The following AKAP8L variants were observed in gnomAD, a reference collection of about 807,000 sequenced individuals.
AKAP8L encodes the protein A-kinase anchoring protein 8 like.
In AKAP8L, 34 loss-of-function variants were observed where a neutral mutation model predicts 77.5. That is an observed-to-expected ratio of 0.44 (90% confidence interval 0.33 to 0.58). The LOEUF is 0.58. Ranked by LOEUF, AKAP8L falls within the 20% of genes least tolerant of loss-of-function variation. The pLI is 0.02. For missense variants in AKAP8L, 806 were observed against 887.6 expected (o/e 0.91, Z 1.17); for synonymous variants, 342 against 340.7 (o/e 1.00, Z -0.04).
chr19:15,413,801 C>A (rs1968150876), intron 1 of AKAP8L, among the ~76,000 whole-genome samples: 1 of 152,200 alleles, frequency 6.6e-6, no homozygotes, highest in African/African-American at 2.4e-5. Context: ...ACTGCAACTG[C>A]AAATGACAGC....
intron 1 of AKAP8L, among the ~76,000 whole-genome samples, chr19:15,416,064 C>T (rs1047362056): frequency 3.9e-5 from 6 of 151,948 alleles, no homozygotes; most frequent in African/African-American, 1.4e-4. Flanking sequence ...TGGCCTCAAG[C>T]AATCTTCCTG....
At chr19:15,418,854 C>G in intron 1 of AKAP8L, 57 bp downstream of exon 1, 1 of 1,542,494 alleles carries the variant, frequency 6.5e-7, no homozygotes, top group East Asian at 2.3e-5. Flanking sequence ...GGTGCGGCAT[C>G]CGCACGTCCC....
At chr19:15,409,482 C>T (rs1293300327) in intron 2 of AKAP8L, among the ~76,000 whole-genome samples, 2 of 152,168 alleles carry the variant, frequency 1.3e-5, no homozygotes, top group African/African-American at 4.8e-5. Flanking sequence ...GGGGAGCTTA[C>T]TTAAGTCTCT....
chr19:15,380,493 G>A, intron 13 of AKAP8L, 24 bp downstream of exon 13: 6 of 1,613,046 alleles, frequency 3.7e-6, no homozygotes, highest in Non-Finnish European at 5.1e-6. Context: ...CTGGGGACAG[G>A]GCAGGCCCGG....
intron 4 of AKAP8L, among the ~76,000 whole-genome samples, chr19:15,402,167 T>C (rs1967913758): frequency 6.6e-6 from 1 of 152,128 alleles, no homozygotes; most frequent in Non-Finnish European, 1.5e-5. Context: ...ACTGAGAGCT[T>C]GCCCAGGGAC....
At chr19:15,385,187 C>A (rs1251460972) in intron 12 of AKAP8L, among the ~76,000 whole-genome samples, 1 of 151,930 alleles carries the variant, frequency 6.6e-6, no homozygotes, top group African/African-American at 2.4e-5. Context: ...CCGTTTTAGC[C>A]GGGATGGTCT....
At chr19:15,391,042 T>C (rs1386056461) in intron 12 of AKAP8L, among the ~76,000 whole-genome samples, 1 of 152,172 alleles carries the variant, frequency 6.6e-6, no homozygotes, top group Non-Finnish European at 1.5e-5. Context: ...AATACTGTAT[T>C]GGAGGTTCTA....
chr19:15,394,539 T>C (rs1372149425), intron 12 of AKAP8L, among the ~76,000 whole-genome samples: 1 of 152,120 alleles, frequency 6.6e-6, no homozygotes, highest in African/African-American at 2.4e-5. Flanking sequence ...TTGGTTTTTT[T>C]TTTCATTTGT....
chr19:15,400,242 C>T (rs774462456), intron 8 of AKAP8L, 53 bp downstream of exon 8: 5 of 1,593,240 alleles, frequency 3.1e-6, no homozygotes, highest in South Asian at 2.2e-5. Context: ...GTCCCTCCCA[C>T]TGTGAGCCCC....
Position 15,380,063 on chromosome 19 carries a change from CT to C in AKAP8L, c.*58del. Reference sequence around the variant, plus strand: ...GAAACCCGGAGGTGGGATGGGAAAACTTTATTAGGTTTGGTTTCCAGCTTCG... The same window carrying C: ...GAAACCCGGAGGTGGGATGGGAAAACTTATTAGGTTTGGTTTCCAGCTTCG... On this transcript the variant is annotated 3_prime_UTR_variant, in exon 14 of 14. Transcript: ENST00000397410. The C allele has an allele frequency of 7.5e-7, 1 of 1,330,130 alleles. No individual in the cohort carries two copies. The highest frequency in any genetic ancestry group is 1.5e-5 in the South Asian group (1 of 68,154). 82.4% of individuals were successfully genotyped at this position (1,330,130 alleles called of 1,614,324 possible).
At chr19:15,388,953 G>A (rs1391162525) in intron 12 of AKAP8L, among the ~76,000 whole-genome samples, 3 of 150,002 alleles carry the variant, frequency 2.0e-5, no homozygotes, top group Middle Eastern at 3.3e-3. Flanking sequence ...GGTGGCTCAC[G>A]CCTATAATCC....
At chr19:15,400,616 G>T in intron 7 of AKAP8L, 178 bp downstream of exon 7, 1 of 830,956 alleles carries the variant, frequency 1.2e-6, no homozygotes, top group Non-Finnish European at 1.9e-6. Context: ...TTCCAACAAG[G>T]AAACTGTGCC....
rs531595222 is a variant in AKAP8L, at chr19:15,399,979, G to A, written c.1048+316C>T. ...CCAGCCACTGAGGACTTGGAACTGCGCGTTACTGAGGGACCGAGGGCAGGG... is the reference window on the plus strand; with the variant it reads ...CCAGCCACTGAGGACTTGGAACTGCACGTTACTGAGGGACCGAGGGCAGGG... On this transcript the variant is annotated intron_variant, in intron 8 of 13. Coordinates refer to ENST00000397410, the MANE Select transcript of AKAP8L (RefSeq NM_014371.4). This position sits in a 1 kb window ranked among gnomAD's most constrained non-coding sequence, Gnocchi z 6.1. 1.9e-4 allele frequency: 90 copies of A among 477,734 alleles called. No homozygotes were observed. The highest frequency in any genetic ancestry group is 5.7e-4 in the Admixed American group (16 of 28,078). The allele number at this position is 477,734 out of a possible 1,614,324, so 29.6% of individuals were successfully genotyped here.
At chr19:15,410,370 G>A (rs1968084450) in intron 2 of AKAP8L, 150 bp downstream of exon 2, 1 of 639,404 alleles carries the variant, frequency 1.6e-6, no homozygotes, top group African/African-American at 1.8e-5. Context: ...TGCCTGAAAG[G>A]GAAGCACTAG....
intron 2 of AKAP8L, among the ~76,000 whole-genome samples, chr19:15,408,494 T>C (rs1374689576): frequency 3.0e-5 from 4 of 134,252 alleles, no homozygotes; most frequent in African/African-American, 8.6e-5. Flanking sequence ...ATCTGGGAGG[T>C]GGAGGTTGTG....
intron 2 of AKAP8L, among the ~76,000 whole-genome samples, chr19:15,404,916 G>A (rs79589519): frequency 0.024 from 3,588 of 152,298 alleles, 158 homozygotes; most frequent in African/African-American, 0.082. Context: ...GTTCCTCCAC[G>A]ACCCAGTGCA....
In AKAP8L at chr19:15,398,839, C is replaced by T. The variant is rs933035670; in HGVS notation, c.1157+463G>A. 8 of 1,008,524 alleles carry T rather than the reference C, an allele frequency of 7.9e-6. No homozygotes were observed. The highest frequency in any genetic ancestry group is 9.8e-5 in the East Asian group (1 of 10,178). The allele number at this position is 1,008,524 out of a possible 1,614,324, so 62.5% of individuals were successfully genotyped here. A position where few individuals can be genotyped will look rare whatever the true frequency, so the allele number is the denominator to read the frequency against. The stretch of plus-strand genomic sequence containing the variant: ...GACAGGCCCGGCCTGACAGGGCCGG[C>T]GGGCAGGGCAGAAGGCAGGCCCGAG... On this transcript the variant is annotated intron_variant, in intron 9 of 13. Transcript: ENST00000397410. This position sits in a 1 kb window ranked among gnomAD's most constrained non-coding sequence, Gnocchi z 9.2.
At chr19:15,392,361 T>C (rs906176014) in intron 12 of AKAP8L, among the ~76,000 whole-genome samples, 9 of 151,862 alleles carry the variant, frequency 5.9e-5, no homozygotes, top group African/African-American at 1.7e-4. Flanking sequence ...CTGGGCATAG[T>C]GGCACATGCC....
Position 15,400,873 on chromosome 19 carries a change from G to C in AKAP8L, c.914-9C>G. The C allele has an allele frequency of 1.2e-6, 2 of 1,614,030 alleles. No homozygotes were observed. Among genetic ancestry groups the C allele is most frequent in the Non-Finnish European group, 1.7e-6 (2 of 1,179,886 alleles). On this transcript the variant is annotated splice_polypyrimidine_tract_variant and intron_variant, in intron 6 of 13. Coordinates refer to ENST00000397410, the MANE Select transcript of AKAP8L (RefSeq NM_014371.4). Reference sequence around the variant, plus strand: ...CCCCTCGGTGCCCTCATCTGAAAGGGAAAAGGAGGTAAGCTCAACCCAGGA... The same window carrying C: ...CCCCTCGGTGCCCTCATCTGAAAGGCAAAAGGAGGTAAGCTCAACCCAGGA...
Sources: allele counts gnomAD v4.1 joint callset (sites outside exome capture counted in the v4.1 genomes callset), GRCh38; gene constraint gnomAD v4.1.1; non-coding constraint Gnocchi (gnomAD v3.1); transcripts MANE v1.5; gene names NCBI Gene and HGNC (gene_info 2026-07-23, HGNC 2026-07-21).